TP63: variants seen among roughly 807,000 people sequenced by gnomAD.
TP63 encodes tumor protein 63.
A neutral mutation model predicts 82.8 loss-of-function variants in TP63; 17 were observed. The ratio of observed to expected loss-of-function variants is 0.21; its 90% CI spans 0.14 to 0.31. The LOEUF (loss-of-function observed/expected upper bound fraction) is 0.31. Ranked by LOEUF, TP63 falls within the 10% of genes least tolerant of loss-of-function variation. The probability of loss-of-function intolerance (pLI) is 1.00; values close to 1 mark genes in which losing one functional copy is unlikely to be tolerated. For synonymous variants in TP63, 330 were observed against 321.7 expected (o/e 1.03, Z -0.28); for missense variants, 648 against 895.3 (o/e 0.72, Z 3.52).
chr3:189,755,538 C>T (rs902602040), intron 3 of TP63, among the ~76,000 whole-genome samples: 1 of 152,036 alleles, frequency 6.6e-6, no homozygotes, highest in Non-Finnish European at 1.5e-5. Flanking sequence ...TAAATTTCCT[C>T]ATTATGTATT....
rs1354292901 is a variant in TP63 at position 189,895,141 on chromosome 3, T to G, written c.*639T>G. 4.5e-6 allele frequency: 1 copy of G among 221,038 alleles called. No individual in the cohort carries two copies. Among genetic ancestry groups the G allele is most frequent in the East Asian group, 6.6e-5 (1 of 15,066 alleles). 13.7% of individuals were successfully genotyped at this position (221,038 alleles called of 1,614,324 possible). On this transcript the variant is annotated 3_prime_UTR_variant, in exon 14 of 14. Transcript: ENST00000264731. ...CCATTGCTTATTATGTAGGTAAGAC[T>G]GTAGATATGTATTCTTTTCTCAGTG...
intron 1 of TP63, among the ~76,000 whole-genome samples, chr3:189,637,251 A>AT (rs138835054): frequency 2.6e-5 from 4 of 151,042 alleles, no homozygotes; most frequent in African/African-American, 7.3e-5. Context: ...TGGGAACTGA[A>AT]TTTTTTTTTT....
chr3:189,687,999 GAA>G lies in TP63; in HGVS notation c.63-49730_63-49729del, dbSNP rs5855270. ...GCTCTCAAAGTAATGTGATCTGAAAGAAAAAAAAAAAACAGCTAGCAACTTGC... is the reference window on the plus strand; with the variant it reads ...GCTCTCAAAGTAATGTGATCTGAAAGAAAAAAAAAACAGCTAGCAACTTGC... On this transcript the variant is annotated intron_variant, in intron 1 of 13. Transcript: ENST00000264731. 1.5e-4 allele frequency among the ~76,000 whole-genome samples: 21 copies of G among 140,538 alleles called. 1 individual carries two copies. The highest frequency in any genetic ancestry group is 4.6e-4 in the South Asian group (2 of 4,368). The allele number at this position is 140,538 out of a possible 152,430, so 92.2% of individuals were successfully genotyped here. A position where few individuals can be genotyped will look rare whatever the true frequency, so the allele number is the denominator to read the frequency against.
At chr3:189,683,761 AG>A (rs1577235273) in intron 1 of TP63, among the ~76,000 whole-genome samples, 1 of 152,192 alleles carries the variant, frequency 6.6e-6, no homozygotes, top group East Asian at 1.9e-4. Context: ...TCATTGCAGT[AG>A]CCTGCCAATC....
intron 1 of TP63, among the ~76,000 whole-genome samples, chr3:189,699,797 T>A (rs1351716513): frequency 6.6e-6 from 1 of 152,108 alleles, no homozygotes; most frequent in East Asian, 1.9e-4. Context: ...TTGCTTGTTC[T>A]CAAAGAAAAA....
At chr3:189,654,811 T>C (rs1713193992) in intron 1 of TP63, among the ~76,000 whole-genome samples, 1 of 152,242 alleles carries the variant, frequency 6.6e-6, no homozygotes, top group African/African-American at 2.4e-5. Flanking sequence ...CTGGCTCAAC[T>C]ATTTTGCCAT....
At chr3:189,880,573 G>T (rs1279474386) in intron 10 of TP63, 1 of 987,122 alleles carries the variant, frequency 1.0e-6, no homozygotes, top group African/African-American at 1.7e-5. Flanking sequence ...TTTTGAGCAG[G>T]TCTCAAACTT....
the TP63 span, among the ~76,000 whole-genome samples, chr3:189,622,292 G>A: frequency 1.3e-5 from 2 of 152,134 alleles, no homozygotes; most frequent in Non-Finnish European, 2.9e-5. Flanking sequence ...TGCATACGTA[G>A]GACTCTGAGA....
intron 1 of TP63, among the ~76,000 whole-genome samples, chr3:189,701,528 T>G (rs867285405): frequency 7.5e-6 from 1 of 133,392 alleles, no homozygotes. Context: ...TATACATATA[T>G]ATATATATAT....
chr3:189,780,227 C>G (rs1409316064), intron 3 of TP63, among the ~76,000 whole-genome samples: 2 of 152,100 alleles, frequency 1.3e-5, no homozygotes, highest in African/African-American at 4.8e-5. Context: ...TACAGAGCTG[C>G]CAAATTGTGA....
chr3:189,613,872 A>G, the TP63 span, among the ~76,000 whole-genome samples: 1 of 152,172 alleles, frequency 6.6e-6, no homozygotes, highest in Non-Finnish European at 1.5e-5. Context: ...TTGTTTTGGC[A>G]AACTGTCTCT....
intron 3 of TP63, among the ~76,000 whole-genome samples, chr3:189,773,344 T>C (rs1459343979): frequency 1.3e-5 from 2 of 152,222 alleles, no homozygotes; most frequent in African/African-American, 4.8e-5. Flanking sequence ...TCAAAGTCCT[T>C]AGACAGTAAA....
chr3:189,881,988 G>A (rs1256779207), intron 10 of TP63, among the ~76,000 whole-genome samples: 1 of 143,496 alleles, frequency 7.0e-6, no homozygotes, highest in Non-Finnish European at 1.5e-5. Flanking sequence ...CTGAATAATT[G>A]CTTTTAAAAG....
rs116671446 is a variant in TP63 at position 189,893,390 on chromosome 3, G to A, written c.1747-816G>A. Reference sequence around the variant, plus strand: ...TTTCTCACTCCAAGCACAATGTGCTGTTTACCTACCATTCTGCCCTGTGAA... The same window carrying A: ...TTTCTCACTCCAAGCACAATGTGCTATTTACCTACCATTCTGCCCTGTGAA... On this transcript the variant is annotated intron_variant, in intron 13 of 13. Transcript: ENST00000264731. Among the ~76,000 whole-genome samples the A allele has an allele frequency of 3.4e-3, 515 of 152,300 alleles. 4 individuals carry two copies. The highest frequency in any genetic ancestry group is 0.012 in the African/African-American group (498 of 41,566).
At chr3:189,641,904 G>A (rs1347042876) in intron 1 of TP63, among the ~76,000 whole-genome samples, 1 of 152,098 alleles carries the variant, frequency 6.6e-6, no homozygotes, top group Non-Finnish European at 1.5e-5. Flanking sequence ...GATGCTTGGA[G>A]ATAGCTAACT....
intron 1 of TP63, among the ~76,000 whole-genome samples, chr3:189,650,568 T>A (rs4426661): frequency 0.37 from 54,301 of 146,088 alleles, 13,683 homozygotes; most frequent in Middle Eastern, 0.57. Flanking sequence ...CTGGACACTC[T>A]TTCTTCTCCT....
chr3:189,746,240 C>G (rs1721365890), intron 3 of TP63, among the ~76,000 whole-genome samples: 2 of 150,826 alleles, frequency 1.3e-5, no homozygotes, highest in Non-Finnish European at 3.0e-5. Context: ...ACCCACAGGC[C>G]AGGAGTAAAT....
At chr3:189,644,473 A>G (rs556772566) in intron 1 of TP63, among the ~76,000 whole-genome samples, 1 of 152,348 alleles carries the variant, frequency 6.6e-6, no homozygotes, top group Admixed American at 6.5e-5. Flanking sequence ...AATGCATAGA[A>G]TAATACAAAA....
chr3:189,601,662 T>G, the TP63 span, among the ~76,000 whole-genome samples: 2 of 152,204 alleles, frequency 1.3e-5, no homozygotes, highest in Admixed American at 6.5e-5. Flanking sequence ...GTACTCATAT[T>G]CACATTATTC....
Sources: allele counts gnomAD v4.1 joint callset (sites outside exome capture counted in the v4.1 genomes callset), GRCh38; gene constraint gnomAD v4.1.1; transcripts MANE v1.5; gene names NCBI Gene and HGNC (gene_info 2026-07-23, HGNC 2026-07-21).